Variants in NFASC observed in about 807,000 individuals in gnomAD.
The protein encoded by NFASC is neurofascin, also known as neurofascin homolog.
Under a neutral mutation model 147.5 loss-of-function variants are expected in NFASC, and 43 were observed. That is an observed-to-expected ratio of 0.29 (90% CI 0.23 to 0.38). The LOEUF (loss-of-function observed/expected upper bound fraction) is 0.38. Among genes scored for constraint, NFASC ranks in the 10% least tolerant of loss-of-function variants. The pLI is 1.00. For missense variants in NFASC, 1,320 were observed against 1,689.0 expected (o/e 0.78, Z 3.83); for synonymous variants, 622 against 665.5 (o/e 0.93, Z 1.01).
intron 1 of NFASC, among the ~76,000 whole-genome samples, chr1:204,856,845 C>T (rs2076200552): frequency 6.6e-6 from 1 of 152,244 alleles, no homozygotes; most frequent in Non-Finnish European, 1.5e-5. Flanking sequence ...TTGCGGCATG[C>T]ATCAGTACTA....
intron 3 of NFASC, chr1:204,948,519 A>G (rs2093925512): frequency 2.0e-6 from 1 of 498,234 alleles, no homozygotes; most frequent in South Asian, 1.5e-5. Context: ...AATGTCAAGG[A>G]GAGCAGAGTC....
At chr1:204,847,366 G>A (rs2075273274) in intron 1 of NFASC, among the ~76,000 whole-genome samples, 1 of 152,198 alleles carries the variant, frequency 6.6e-6, no homozygotes, top group Non-Finnish European at 1.5e-5. Flanking sequence ...AGGCAAGAAA[G>A]TGAAGCACAG....
At chr1:204,866,399 C>T (rs1004883069) in intron 1 of NFASC, among the ~76,000 whole-genome samples, 4 of 152,062 alleles carry the variant, frequency 2.6e-5, no homozygotes, top group East Asian at 3.8e-4. Context: ...GGAGCTATGC[C>T]GAGCCCTTGA....
At chr1:204,940,325 T>C (rs2093274263) in intron 2 of NFASC, among the ~76,000 whole-genome samples, 1 of 152,140 alleles carries the variant, frequency 6.6e-6, no homozygotes, top group Non-Finnish European at 1.5e-5. Flanking sequence ...TGGTGGCACA[T>C]GCCTGTAATC....
chr1:204,832,014 A>G (rs1187604422), intron 1 of NFASC, among the ~76,000 whole-genome samples: 1 of 152,184 alleles, frequency 6.6e-6, no homozygotes, highest in Non-Finnish European at 1.5e-5. Flanking sequence ...GGCTTGGCTG[A>G]TGCTATCCGG....
chr1:204,898,689 G>A (rs1188027543), intron 1 of NFASC, among the ~76,000 whole-genome samples: 1 of 152,194 alleles, frequency 6.6e-6, no homozygotes, highest in East Asian at 1.9e-4. Flanking sequence ...CAGAGACCCA[G>A]TGCAGCCTCG....
Position 204,908,262 on chromosome 1 carries a change from A to T in NFASC, c.-199-12370A>T, listed in dbSNP as rs61497641. 2.5e-3 allele frequency among the ~76,000 whole-genome samples: 375 copies of T among 152,322 alleles called. 1 individual carries two copies. The highest frequency in any genetic ancestry group is 8.8e-3 in the African/African-American group (366 of 41,558). On this transcript the variant is annotated intron_variant, in intron 1 of 29. Transcript: ENST00000339876. ...CTCCCAAAGTGCTGGAATTACAGGC[A>T]TGAGCTACCATGCCTGGCCTGAGAA... is the stretch of plus-strand genomic sequence containing the variant.
intron 2 of NFASC, among the ~76,000 whole-genome samples, chr1:204,937,686 G>A (rs771811146): frequency 4.6e-5 from 7 of 152,154 alleles, no homozygotes; most frequent in South Asian, 2.1e-4. Context: ...TTCTCCATCC[G>A]CTGATGGGAG....
chr1:204,984,504 G>A (rs972376518), intron 21 of NFASC, among the ~76,000 whole-genome samples: 1 of 151,458 alleles, frequency 6.6e-6, no homozygotes, highest in African/African-American at 2.4e-5. Context: ...TGCATAGCAC[G>A]TTGCGTTTGG....
At chr1:204,973,176 C>G in intron 11 of NFASC, 100 bp from the exon 12 acceptor site, 1 of 1,316,392 alleles carries the variant, frequency 7.6e-7, no homozygotes, top group South Asian at 1.3e-5. Context: ...GTGCTCCCCA[C>G]AGCACCCCGC....
intron 1 of NFASC, among the ~76,000 whole-genome samples, chr1:204,848,288 T>TGGCGCAATTAC (rs1424833603): frequency 2.0e-4 from 31 of 152,332 alleles, no homozygotes; most frequent in Middle Eastern, 3.4e-3. Context: ...TGGAGTGCAG[T>TGGCGCAATTAC]GGCGCAATTA....
At chr1:204,906,758 CTGCAAGCTCCGCCTCCCGGGCTCAT>C (rs1474029476) in intron 1 of NFASC, among the ~76,000 whole-genome samples, 3 of 57,478 alleles carry the variant, frequency 5.2e-5, no homozygotes, top group East Asian at 9.0e-4. Context: ...TCTCGGCTCA[CTGCAAGCTCCGCCTCCCGGGCTCAT>C]GCCATTCTCC....
intron 2 of NFASC, among the ~76,000 whole-genome samples, chr1:204,928,110 G>A (rs1387297154): frequency 6.6e-6 from 1 of 152,178 alleles, no homozygotes; most frequent in African/African-American, 2.4e-5. Flanking sequence ...ATCTTTGTAT[G>A]GCAGGAGACT....
At chr1:204,974,565 C>A in intron 13 of NFASC, 92 bp from the exon 14 acceptor site, 1 of 1,409,550 alleles carries the variant, frequency 7.1e-7, no homozygotes, top group Non-Finnish European at 1.0e-6. Flanking sequence ...GCTCCTTCCA[C>A]AGCCCCCATG....
chr1:204,909,364 G>T (rs907157786), intron 1 of NFASC, among the ~76,000 whole-genome samples: 8 of 152,088 alleles, frequency 5.3e-5, no homozygotes, highest in Non-Finnish European at 7.4e-5. Flanking sequence ...GATGTTGAAT[G>T]CCTTTTCATG....
rs371908973 is a variant in NFASC at position 204,957,723 on chromosome 1, C to T, written c.603C>T (p.Asn201=). 8.7e-5 allele frequency: 140 copies of T among 1,614,128 alleles called. No individual in the cohort carries two copies. The highest frequency in any genetic ancestry group is 1.1e-4 in the Non-Finnish European group (135 of 1,179,948). ...ATAACGGAGACCTATACTTCTCCAA[C>T]GTGATGCTGCAGGACATGCAGACCG... ...QGHNGDLYFS[N]VMLQDMQTDY... is the part of the protein sequence containing the mutation. Residue 201 remains asparagine (N), a synonymous_variant, in exon 8 of 30, where the codon AAC becomes AAT. Coordinates refer to ENST00000339876, the MANE Select transcript of NFASC (RefSeq NM_001005388.3).
At position 204,979,450 on chromosome 1, in the gene NFASC, C is replaced by A; in HGVS notation, c.2067C>A (p.Val689=). Residue 689 remains valine, a synonymous_variant, in exon 19 of 30, where the codon GTC becomes GTA. Coordinates refer to ENST00000339876, the MANE Select transcript of NFASC (RefSeq NM_001005388.3). The surrounding 1 kb of genome is among the most constrained non-coding windows in gnomAD (Gnocchi z 6.0). ...ACCCCGGCAGCGTTAACTCAGCCGTCCTCCGGCTGTCCCCGTATGTCAACT... is the reference window on the plus strand; with the variant it reads ...ACCCCGGCAGCGTTAACTCAGCCGTACTCCGGCTGTCCCCGTATGTCAACT... ...SKYPGSVNSA[V]LRLSPYVNYQ... 1.2e-6 allele frequency: 2 copies of A among 1,613,958 alleles called. No homozygotes were observed. Among genetic ancestry groups the A allele is most frequent in the South Asian group, 1.1e-5 (1 of 91,082 alleles).
intron 11 of NFASC, among the ~76,000 whole-genome samples, chr1:204,972,822 CCTT>C (rs1440616555): frequency 6.6e-6 from 1 of 152,144 alleles, no homozygotes; most frequent in East Asian, 1.9e-4. Context: ...ATGTGTTAGA[CCTT>C]CTGTTCATCA....
chr1:204,974,580 C>T, intron 13 of NFASC, 77 bp from the exon 14 acceptor site: 2 of 1,517,206 alleles, frequency 1.3e-6, no homozygotes, highest in Non-Finnish European at 1.8e-6. Context: ...CCCATGGTCT[C>T]TCTTGATTGG....
Sources: allele counts gnomAD v4.1 joint callset (sites outside exome capture counted in the v4.1 genomes callset), GRCh38; gene constraint gnomAD v4.1.1; non-coding constraint Gnocchi (gnomAD v3.1); transcripts MANE v1.5; gene names NCBI Gene and HGNC (gene_info 2026-07-23, HGNC 2026-07-21).